Variants in SAMTOR observed in about 807,000 individuals in gnomAD.
SAMTOR encodes the protein S-adenosylmethionine sensor upstream of mTORC1.
At chr7:112,934,668 T>C in the SAMTOR span, among the ~76,000 whole-genome samples, 27 of 152,238 alleles carry the variant, frequency 1.8e-4, no homozygotes, top group Non-Finnish European at 5.9e-5. Context: ...CTTTGTCCAC[T>C]GTGTACTCTG....
the SAMTOR span, among the ~76,000 whole-genome samples, chr7:112,891,898 G>A: frequency 6.6e-6 from 1 of 152,170 alleles, no homozygotes; most frequent in Non-Finnish European, 1.5e-5. Context: ...GGTGCTATCA[G>A]AATTTCTAAA....
At chr7:112,822,615 T>A in the SAMTOR span, among the ~76,000 whole-genome samples, 20 of 152,272 alleles carry the variant, frequency 1.3e-4, no homozygotes, top group South Asian at 1.2e-3. Context: ...CCTAACAATT[T>A]AAAATGGGAA....
At chr7:112,863,018 T>C in the SAMTOR span, among the ~76,000 whole-genome samples, 1 of 152,018 alleles carries the variant, frequency 6.6e-6, no homozygotes, top group Non-Finnish European at 1.5e-5. Context: ...TCACACTACT[T>C]GACTTCAAAC....
At chr7:112,905,626 A>T in the SAMTOR span, among the ~76,000 whole-genome samples, 1 of 152,322 alleles carries the variant, frequency 6.6e-6, no homozygotes, top group African/African-American at 2.4e-5. Context: ...AGCATAAGAA[A>T]ATCCACTAAT....
chr7:112,847,778 C>CAAAAAAAAAAAAA, the SAMTOR span, among the ~76,000 whole-genome samples: 1 of 151,372 alleles, frequency 6.6e-6, no homozygotes, highest in African/African-American at 2.5e-5. Context: ...AACTCTGTCT[C>CAAAAAAAAAAAAA]AAAAGAAAAG....
At chr7:112,868,585 G>A in the SAMTOR span, among the ~76,000 whole-genome samples, 4 of 152,180 alleles carry the variant, frequency 2.6e-5, no homozygotes, top group African/African-American at 9.7e-5. Flanking sequence ...CCAGGAAGCT[G>A]CAGGCATTTT....
At chr7:112,850,852 A>C in the SAMTOR span, among the ~76,000 whole-genome samples, 1 of 152,190 alleles carries the variant, frequency 6.6e-6, no homozygotes, top group South Asian at 2.1e-4. Flanking sequence ...CTTTTCAAAG[A>C]AACTTTTGTT....
the SAMTOR span, among the ~76,000 whole-genome samples, chr7:112,922,953 G>A: frequency 6.7e-6 from 1 of 148,994 alleles, no homozygotes; most frequent in African/African-American, 2.5e-5. Context: ...CCCTCTGCCC[G>A]GCCACCACCC....
At chr7:112,840,702 G>T in the SAMTOR span, among the ~76,000 whole-genome samples, 16 of 151,644 alleles carry the variant, frequency 1.1e-4, no homozygotes, top group Admixed American at 9.9e-4. Context: ...CAAATGGCTA[G>T]TCTTTAAAGT....
the SAMTOR span, among the ~76,000 whole-genome samples, chr7:112,938,524 T>C: frequency 1.3e-5 from 2 of 152,222 alleles, no homozygotes; most frequent in African/African-American, 4.8e-5. Context: ...TTCACTGCCA[T>C]AATTTTCCTT....
At chr7:112,882,576 C>T in the SAMTOR span, among the ~76,000 whole-genome samples, 1 of 151,990 alleles carries the variant, frequency 6.6e-6, no homozygotes, top group South Asian at 2.1e-4. Flanking sequence ...GTAATCCCAG[C>T]TACTCAGGAG....
the SAMTOR span, among the ~76,000 whole-genome samples, chr7:112,898,785 C>G: frequency 5.2e-4 from 79 of 152,248 alleles, 3 homozygotes; most frequent in Admixed American, 5.0e-3. Context: ...GGGATTTTGC[C>G]TGGGAACCCA....
chr7:112,845,606 A>G, the SAMTOR span, among the ~76,000 whole-genome samples: 1 of 152,220 alleles, frequency 6.6e-6, no homozygotes, highest in African/African-American at 2.4e-5. Context: ...GAGTTTGTGT[A>G]GAAAAGAAAA....
the SAMTOR span, among the ~76,000 whole-genome samples, chr7:112,823,465 T>C: frequency 1.3e-5 from 2 of 152,182 alleles, no homozygotes; most frequent in Non-Finnish European, 2.9e-5. Flanking sequence ...TAAATAATCA[T>C]TTTGAGATTT....
At chr7:112,875,991 C>T in the SAMTOR span, among the ~76,000 whole-genome samples, 18 of 152,082 alleles carry the variant, frequency 1.2e-4, no homozygotes, top group Non-Finnish European at 2.4e-4. Context: ...AACAGGGTCT[C>T]GCTCTGTCAC....
the SAMTOR span, among the ~76,000 whole-genome samples, chr7:112,935,518 T>G: frequency 1.3e-5 from 2 of 152,310 alleles, no homozygotes; most frequent in African/African-American, 4.8e-5. Flanking sequence ...CTAATTCACC[T>G]GTTAAGATCA....
the SAMTOR span, among the ~76,000 whole-genome samples, chr7:112,886,880 T>C: frequency 4.5e-4 from 68 of 152,284 alleles, no homozygotes; most frequent in Admixed American, 1.1e-3. Context: ...TAAAAGATCA[T>C]ACTGGGCCAG....
At chr7:112,853,210 A>G in the SAMTOR span, among the ~76,000 whole-genome samples, 308 of 80,332 alleles carry the variant, frequency 3.8e-3, 2 homozygotes, top group African/African-American at 0.013. Flanking sequence ...ATTTAAAAAT[A>G]TTTTTATAAC....
the SAMTOR span, among the ~76,000 whole-genome samples, chr7:112,843,672 C>G: frequency 6.6e-6 from 1 of 151,764 alleles, no homozygotes; most frequent in Non-Finnish European, 1.5e-5. Flanking sequence ...ACAAAAAATG[C>G]CCAGGACCAG....
Sources: gnomAD v4.1 joint callset for allele counts (sites outside exome capture counted in the v4.1 genomes callset) on GRCh38, gnomAD v4.1.1 for gene constraint, MANE v1.5 for transcripts, NCBI Gene and HGNC (gene_info 2026-07-23, HGNC 2026-07-21) for gene names.